LYST: variants seen among roughly 807,000 people sequenced by gnomAD.
LYST encodes the protein lysosomal-trafficking regulator.
A neutral mutation model predicts 413.6 loss-of-function variants in LYST; 192 were observed. That is an observed-to-expected ratio of 0.46 (90% CI 0.41 to 0.52). The LOEUF is 0.52. LYST is among the 20% of genes least tolerant of loss of function. The pLI is 0.00. For missense variants in LYST, 3,815 were observed against 4,499.9 expected (o/e 0.85, Z 4.35); for synonymous variants, 1,525 against 1,567.3 (o/e 0.97, Z 0.64).
At chr1:235,817,891 C>T (rs761656800) in intron 3 of LYST, among the ~76,000 whole-genome samples, 2 of 151,990 alleles carry the variant, frequency 1.3e-5, no homozygotes, top group East Asian at 1.9e-4. Flanking sequence ...TTTGTTACCA[C>T]AAAAATGATC....
chr1:235,718,194 GT>G lies in LYST; in HGVS notation c.9561-1417del, dbSNP rs34692090. Among the ~76,000 whole-genome samples the G allele has an allele frequency of 3.1e-3, 458 of 146,520 alleles. 3 individuals are homozygous for G. The highest frequency in any genetic ancestry group is 0.01 in the African/African-American group (413 of 40,064). On this transcript the variant is annotated intron_variant, in intron 40 of 52. Transcript: ENST00000389793. ...TTTTTTATAGATAGTATAAATAGGG[GT>G]TTTTTTTTTTGGACACAAGCTATGT... is the stretch of plus-strand genomic sequence containing the variant.
intron 1 of LYST, among the ~76,000 whole-genome samples, chr1:235,845,195 C>T (rs1350791509): frequency 6.6e-6 from 1 of 152,200 alleles, no homozygotes; most frequent in Non-Finnish European, 1.5e-5. Flanking sequence ...GGAGACCCTC[C>T]TCTCCTGAAC....
At position 235,813,441 on chromosome 1, in the gene LYST, T is replaced by C. The variant is rs549382148; in HGVS notation, c.193-380A>G. Among the ~76,000 whole-genome samples, 25 of 152,338 alleles carry C rather than the reference T, an allele frequency of 1.6e-4. No homozygotes were observed. In the South Asian group the frequency reaches 3.1e-3, roughly 19 times the overall value. The stretch of plus-strand genomic sequence containing the variant: ...ATGCTACAAAGTTACTAGAAAAATG[T>C]GAAGCCTTCATGCAGTTAAATGAAA... On this transcript the variant is annotated intron_variant, in intron 3 of 52. Transcript: ENST00000389793.
intron 31 of LYST, among the ~76,000 whole-genome samples, chr1:235,740,716 T>G (rs140833311): frequency 1.2e-4 from 18 of 152,360 alleles, no homozygotes; most frequent in African/African-American, 4.3e-4. Flanking sequence ...TGATAAGCAT[T>G]TGAATATTTG....
chr1:235,802,561 C>T (rs1672363187), intron 8 of LYST, among the ~76,000 whole-genome samples: 1 of 152,160 alleles, frequency 6.6e-6, no homozygotes, highest in African/African-American at 2.4e-5. Context: ...GAAAGGACTT[C>T]CCTCACCACC....
Position 235,810,081 on chromosome 1 carries a change from A to G in LYST, c.737T>C (p.Val246Ala), listed in dbSNP as rs764221345. 14 of 1,613,964 alleles carry G rather than the reference A, an allele frequency of 8.7e-6. No homozygotes were observed. The highest frequency in any genetic ancestry group is 1.2e-5 in the Non-Finnish European group (14 of 1,179,946). The change falls in exon 5 of 53, where the codon GTT becomes GCT. Residue 246 changes from valine (V) to alanine (A), a missense_variant. By Grantham distance (64) the Val-to-Ala change is moderately conservative. Around this residue, in one of 4 missense-constraint regions of LYST, gnomAD observed 1,648 missense variants for 1,810.3 expected, o/e 0.91. Transcript: ENST00000389793. ...TGGAGAATTGTTCATGTTACTGATAACAGACAAGGCAGCTGGCTCACTTAA... is the reference window on the plus strand; with the variant it reads ...TGGAGAATTGTTCATGTTACTGATAGCAGACAAGGCAGCTGGCTCACTTAA... ...DILSEPAALS[V>A]ISNMNNSPFD... is the part of the protein sequence containing the mutation.
intron 4 of LYST, among the ~76,000 whole-genome samples, chr1:235,812,151 A>G (rs975972495): frequency 6.6e-6 from 1 of 152,280 alleles, no homozygotes; most frequent in South Asian, 2.1e-4. Flanking sequence ...ATCATAAATT[A>G]AAAATATCTA....
At position 235,746,526 on chromosome 1, in the gene LYST, A is replaced by C. The variant is rs1205735154; in HGVS notation, c.7782T>G (p.Gly2594=). 6.2e-7 allele frequency: 1 copy of C among 1,609,418 alleles called. No homozygotes were observed. The highest frequency in any genetic ancestry group is 1.3e-5 in the African/African-American group (1 of 74,786). The change falls in exon 29 of 53, where the codon GGT becomes GGG. Residue 2594 remains glycine (G), a splice_region_variant and synonymous_variant. Transcript: ENST00000389793. The stretch of plus-strand genomic sequence containing the variant: ...TTTGAGCAAGGGGAAATTTTCGAGG[A>C]CCTTTAAAAGTATATAAATTAAAAC... The part of the protein sequence containing the change: ...AVVQKRKSIA[G]PRKFPLAQTE...
chr1:235,662,114 A>T lies in LYST; in HGVS notation c.*826T>A, dbSNP rs1355699623. On this transcript the variant is annotated 3_prime_UTR_variant, in exon 53 of 53. Transcript: ENST00000389793. ...TGCATACTGAAGGCTTTCTATTGCA[A>T]ATTGGTACAGATTCAATGCTCTGTA... is the stretch of plus-strand genomic sequence containing the variant. The T allele has an allele frequency of 6.6e-6, 1 of 152,226 alleles. No individual in the cohort carries two copies. The highest frequency in any genetic ancestry group is 2.4e-5 in the African/African-American group (1 of 41,442). The allele number at this position is 152,226 out of a possible 1,614,324, so 9.4% of individuals were successfully genotyped here.
rs2145402 is a variant in LYST at position 235,738,133 on chromosome 1, C to T, written c.8358+3289G>A. On this transcript the variant is annotated intron_variant, in intron 31 of 52. Transcript: ENST00000389793. ...ATCGGTATCTTAATGAAGGACTTGGCAGGCGAACTTGCTCTTGTTGATGTC... is the reference window on the plus strand; with the variant it reads ...ATCGGTATCTTAATGAAGGACTTGGTAGGCGAACTTGCTCTTGTTGATGTC... 68 of 1,608,102 alleles carry T rather than the reference C, an allele frequency of 4.2e-5. No individual in the cohort carries two copies. In the African/African-American group the frequency reaches 8.1e-4, roughly 19 times the overall value.
intron 52 of LYST, 136 bp downstream of exon 52, chr1:235,663,848 G>T (rs1488352688): frequency 4.0e-6 from 3 of 757,086 alleles, no homozygotes; most frequent in South Asian, 1.5e-5. Flanking sequence ...CGGACAACCC[G>T]CTGTGTGTTA....
At chr1:235,763,486 T>G (rs1667799351) in intron 21 of LYST, among the ~76,000 whole-genome samples, 1 of 152,260 alleles carries the variant, frequency 6.6e-6, no homozygotes, top group Non-Finnish European at 1.5e-5. Flanking sequence ...AGTCTTGCTC[T>G]GTCGCCCAGG....
intron 1 of LYST, among the ~76,000 whole-genome samples, chr1:235,836,485 T>G (rs1235729581): frequency 6.6e-6 from 1 of 152,140 alleles, no homozygotes; most frequent in Non-Finnish European, 1.5e-5. Context: ...AAAACTTGAA[T>G]GGAATAAGTA....
At chr1:235,835,836 A>G (rs1676512090) in intron 1 of LYST, among the ~76,000 whole-genome samples, 1 of 152,228 alleles carries the variant, frequency 6.6e-6, no homozygotes, top group Non-Finnish European at 1.5e-5. Context: ...CCTCTAGGTC[A>G]CAAGTTACTT....
At chr1:235,731,876 A>G (rs1384236862) in intron 34 of LYST, among the ~76,000 whole-genome samples, 1 of 152,198 alleles carries the variant, frequency 6.6e-6, no homozygotes, top group Non-Finnish European at 1.5e-5. Flanking sequence ...CCTACTCTCT[A>G]ATGAAACAAA....
chr1:235,733,398 A>T, intron 34 of LYST, 105 bp downstream of exon 34: 1 of 964,382 alleles, frequency 1.0e-6, no homozygotes, highest in Non-Finnish European at 1.6e-6. Context: ...AAAATTGTTT[A>T]ATGAAATGAT....
In LYST at chr1:235,770,240, G is replaced by A. The variant is rs1397140477; in HGVS notation, c.5842C>T (p.His1948Tyr). Reference protein sequence around the residue: ...ALEVLIRADHHQQMFNIKQLL... With the variant: ...ALEVLIRADHYQQMFNIKQLL... Reference sequence around the variant, plus strand: ...TGCTTAATATTAAACATCTGCTGGTGGTGATCTGCTCTGATGAGGACTTCT... The same window carrying A: ...TGCTTAATATTAAACATCTGCTGGTAGTGATCTGCTCTGATGAGGACTTCT... The change falls in exon 20 of 53, where the codon CAC becomes TAC. Residue 1948 changes from histidine to tyrosine, a missense_variant. Around this residue, in one of 4 missense-constraint regions of LYST, gnomAD observed 530 missense variants for 696.5 expected, o/e 0.76. Coordinates refer to ENST00000389793, the MANE Select transcript of LYST (RefSeq NM_000081.4). 3 of 1,613,642 alleles carry A rather than the reference G, an allele frequency of 1.9e-6. No homozygotes were observed. Among genetic ancestry groups the A allele is most frequent in the Admixed American group, 1.7e-5 (1 of 59,972 alleles).
chr1:235,666,195 C>T (rs1219717465), intron 50 of LYST, among the ~76,000 whole-genome samples: 1 of 149,978 alleles, frequency 6.7e-6, no homozygotes, highest in African/African-American at 2.5e-5. Context: ...TGTCTATCAA[C>T]AGATGCATAA....
chr1:235,695,553 T>A (rs1661028114), intron 46 of LYST, among the ~76,000 whole-genome samples: 1 of 152,154 alleles, frequency 6.6e-6, no homozygotes, highest in South Asian at 2.1e-4. Context: ...TTTGACATGC[T>A]TAAGTCCCAT....
Sources: gnomAD v4.1 joint callset for allele counts (sites outside exome capture counted in the v4.1 genomes callset) on GRCh38, gnomAD v4.1.1 for gene constraint, gnomAD v4.1.1 regional missense constraint, MANE v1.5 for transcripts, NCBI Gene and HGNC (gene_info 2026-07-23, HGNC 2026-07-21) for gene names.